The following TSNARE1 variants were observed in gnomAD, a reference collection of about 807,000 sequenced individuals.
TSNARE1 encodes t-SNARE domain-containing protein 1.
Under a neutral mutation model 62.0 loss-of-function variants are expected in TSNARE1, and 49 were observed. That is an observed-to-expected ratio of 0.79 (90% CI 0.63 to 1.00). The LOEUF is 1.00. Ranked by LOEUF, TSNARE1 falls within the 50% of genes least tolerant of loss-of-function variation. The probability of loss-of-function intolerance (pLI) is 0.00; values close to 1 mark genes in which losing one functional copy is unlikely to be tolerated. For missense variants in TSNARE1, 755 were observed against 700.1 expected (o/e 1.08, Z -0.88); for synonymous variants, 328 against 294.4 (o/e 1.11, Z -1.17).
intron 12 of TSNARE1, among the ~76,000 whole-genome samples, chr8:142,259,442 C>G (rs771819581): frequency 2.6e-4 from 39 of 152,284 alleles, no homozygotes; most frequent in Non-Finnish European, 4.4e-4. Context: ...CCCCCATACC[C>G]CTACAGGCTG....
chr8:142,301,155 GCCC>G (rs999671275), intron 9 of TSNARE1, among the ~76,000 whole-genome samples: 5 of 131,274 alleles, frequency 3.8e-5, no homozygotes, highest in African/African-American at 1.5e-4. Flanking sequence ...TGGCCACAGT[GCCC>G]CCCACTTGCC....
chr8:142,344,588 T>G, intron 3 of TSNARE1, 116 bp from the exon 4 acceptor site: 5 of 1,136,434 alleles, frequency 4.4e-6, no homozygotes, highest in Non-Finnish European at 5.9e-6. Flanking sequence ...CACGGCTGCC[T>G]GGTCCTGGCC....
chr8:142,368,032 C>T (rs951311810), intron 1 of TSNARE1, among the ~76,000 whole-genome samples: 5 of 151,810 alleles, frequency 3.3e-5, no homozygotes, highest in African/African-American at 1.2e-4. Context: ...AAAAGTTTCC[C>T]AAGCAGGACT....
At chr8:142,325,742 C>A (rs368368883) in intron 6 of TSNARE1, among the ~76,000 whole-genome samples, 85 of 152,292 alleles carry the variant, frequency 5.6e-4, no homozygotes, top group African/African-American at 1.9e-3. Flanking sequence ...ATATGCAACA[C>A]CACCAAGGGA....
intron 4 of TSNARE1, among the ~76,000 whole-genome samples, chr8:142,333,567 C>T (rs912342711): frequency 1.3e-5 from 2 of 152,178 alleles, no homozygotes; most frequent in Admixed American, 1.3e-4. Context: ...GACACAGCAC[C>T]CCTGGCTGGA....
At chr8:142,351,341 G>C (rs879266660) in intron 2 of TSNARE1, among the ~76,000 whole-genome samples, 1 of 152,188 alleles carries the variant, frequency 6.6e-6, no homozygotes, top group African/African-American at 2.4e-5. Context: ...AGACGCATTT[G>C]GAAAATGTAA....
In TSNARE1 at chr8:142,344,160, A is replaced by G. The variant is rs1394715726; in HGVS notation, c.551T>C (p.Leu184Pro). Residue 184 changes from leucine (L) to proline (P), a missense_variant, in exon 4 of 14, where the codon CTG (leucine) becomes CCG (proline). Coordinates refer to ENST00000524325, the MANE Select transcript of TSNARE1 (RefSeq NM_145003.5). ...LGYCRRDVVD[L>P]KHKWRDLRAV... ...TCGTAGGTCCCGCCACTTGTGCTTC[A>G]GGTCCACAACGTCGCGGCGACAGTA... The G allele has an allele frequency of 2.5e-6, 4 of 1,613,282 alleles. No individual in the cohort carries two copies. The highest frequency in any genetic ancestry group is 1.7e-5 in the Admixed American group (1 of 60,020).
At chr8:142,401,860 G>A (rs1342099209) in intron 1 of TSNARE1, among the ~76,000 whole-genome samples, 2 of 152,124 alleles carry the variant, frequency 1.3e-5, no homozygotes, top group Admixed American at 6.5e-5. Context: ...GTATGGGGTC[G>A]AACGGTATGA....
intron 4 of TSNARE1, among the ~76,000 whole-genome samples, chr8:142,339,300 AC>A (rs1270213755): frequency 5.9e-5 from 9 of 151,980 alleles, no homozygotes; most frequent in Non-Finnish European, 1.2e-4. Flanking sequence ...AGCGAAGTTG[AC>A]GTTGACTAAG....
chr8:142,239,554 A>G (rs1201185432), intron 12 of TSNARE1, among the ~76,000 whole-genome samples: 1 of 152,286 alleles, frequency 6.6e-6, no homozygotes, highest in African/African-American at 2.4e-5. Context: ...AGAAGTTTTA[A>G]AAATAGAGTA....
At chr8:142,388,819 G>A (rs1391698896) in intron 1 of TSNARE1, among the ~76,000 whole-genome samples, 2 of 152,070 alleles carry the variant, frequency 1.3e-5, no homozygotes, top group Non-Finnish European at 2.9e-5. Flanking sequence ...CAGGTGATCT[G>A]TCTGCCCCGG....
intron 10 of TSNARE1, among the ~76,000 whole-genome samples, chr8:142,284,720 G>A (rs1822389257): frequency 6.6e-6 from 1 of 152,168 alleles, no homozygotes; most frequent in South Asian, 2.1e-4. Flanking sequence ...GACAGGGCAG[G>A]GATCTGAGTG....
chr8:142,272,509 ACC>A (rs1819727545), intron 12 of TSNARE1: 1 of 215,592 alleles, frequency 4.6e-6, no homozygotes, highest in African/African-American at 1.0e-4. Flanking sequence ...TCCATCCACC[ACC>A]CGTCTACAGC....
At chr8:142,229,353 T>A in intron 13 of TSNARE1, 120 bp downstream of exon 13, 1 of 799,882 alleles carries the variant, frequency 1.3e-6, no homozygotes, top group Non-Finnish European at 2.1e-6. Flanking sequence ...GACAGGTGGA[T>A]AAATGGGTGG....
rs1829191891 is a variant in TSNARE1, at chr8:142,319,792, C to A, written c.894-1158G>T. ...GTGGCACACAGAGGAGTAAGACTGC[C>A]CCCCCAGAACAGGCACCCAGCAGGC... On this transcript the variant is annotated intron_variant, in intron 6 of 13. Transcript: ENST00000524325. The surrounding 1 kb of genome is among the most constrained non-coding windows in gnomAD (Gnocchi z 4.9). Among the ~76,000 whole-genome samples the A allele has an allele frequency of 6.6e-6, 1 of 152,106 alleles. No homozygotes were observed. Among genetic ancestry groups the A allele is most frequent in the South Asian group, 2.1e-4 (1 of 4,826 alleles).
At chr8:142,389,298 GAAGAA>G (rs747872517) in intron 1 of TSNARE1, among the ~76,000 whole-genome samples, 1 of 152,076 alleles carries the variant, frequency 6.6e-6, no homozygotes, top group Admixed American at 6.5e-5. Context: ...AAAACAACTA[GAAGAA>G]AAGGGAGCAA....
At chr8:142,344,858 G>A (rs767311180) in intron 3 of TSNARE1, among the ~76,000 whole-genome samples, 1 of 152,182 alleles carries the variant, frequency 6.6e-6, no homozygotes, top group Non-Finnish European at 1.5e-5. Context: ...ATCAGCCCTC[G>A]CCTGGGGACA....
chr8:142,327,705 G>A (rs58521255), intron 6 of TSNARE1, among the ~76,000 whole-genome samples: 1,701 of 152,292 alleles, frequency 0.011, 32 homozygotes, highest in African/African-American at 0.038. Context: ...TGCAGGAGGC[G>A]GGGCTGTTAG....
chr8:142,378,192 C>T (rs1414889504), intron 1 of TSNARE1, among the ~76,000 whole-genome samples: 1 of 152,226 alleles, frequency 6.6e-6, no homozygotes, highest in African/African-American at 2.4e-5. Context: ...CCTGGTCTGT[C>T]CACACACGGG....
Sources: allele counts gnomAD v4.1 joint callset (sites outside exome capture counted in the v4.1 genomes callset), GRCh38; gene constraint gnomAD v4.1.1; non-coding constraint Gnocchi (gnomAD v3.1); transcripts MANE v1.5; gene names NCBI Gene and HGNC (gene_info 2026-07-23, HGNC 2026-07-21).